The following NUP50 variants were observed in gnomAD, a reference collection of about 807,000 sequenced individuals.
NUP50 encodes nucleoporin 50.
NUP50 carries 14 observed loss-of-function variants against 36.8 expected under a neutral mutation model. That is an observed-to-expected ratio of 0.38 (90% CI 0.25 to 0.59). NUP50 has a LOEUF of 0.59. Ranked by LOEUF, NUP50 falls within the 20% of genes least tolerant of loss-of-function variation. The pLI is 0.63. For missense variants in NUP50, 455 were observed against 564.6 expected (o/e 0.81, Z 1.97); for synonymous variants, 195 against 210.8 (o/e 0.93, Z 0.65).
intron 2 of NUP50, among the ~76,000 whole-genome samples, chr22:45,169,834 T>A (rs1250102897): frequency 2.0e-5 from 3 of 152,300 alleles, no homozygotes; most frequent in South Asian, 4.1e-4. Flanking sequence ...CTCCACCACC[T>A]TCTTGTGGGA....
chr22:45,179,237 G>T (rs1212905339), intron 5 of NUP50: 1 of 222,542 alleles, frequency 4.5e-6, no homozygotes, highest in African/African-American at 2.3e-5. Flanking sequence ...AGTTCATCAA[G>T]TTCATCATGA....
chr22:45,175,856 T>C (rs1180913592), intron 3 of NUP50, 38 bp from the exon 4 acceptor site: 3 of 1,603,008 alleles, frequency 1.9e-6, no homozygotes, highest in African/African-American at 2.7e-5. Context: ...TAATAGAAAG[T>C]ACACTTACCT....
intron 6 of NUP50, 26 bp downstream of exon 6, chr22:45,181,393 G>A (rs552863673): frequency 1.6e-4 from 232 of 1,490,206 alleles, no homozygotes; most frequent in Admixed American, 5.7e-4. Context: ...ACCTGCTGGC[G>A]CATGTGTTTT....
At chr22:45,165,824 CTTTG>C (rs925164276) in intron 1 of NUP50, 123 of 152,320 alleles carry the variant, frequency 8.1e-4, no homozygotes, top group African/African-American at 2.8e-3. Flanking sequence ...CTAAGCCAGT[CTTTG>C]TTTATCTTAA....
intron 3 of NUP50, among the ~76,000 whole-genome samples, chr22:45,175,168 A>T (rs1183787516): frequency 2.0e-5 from 3 of 152,230 alleles, no homozygotes; most frequent in Non-Finnish European, 4.4e-5. Flanking sequence ...ACCTTTCTCC[A>T]AAAGTTCCAG....
intron 5 of NUP50, 161 bp downstream of exon 5, chr22:45,179,061 G>C (rs1569053933): frequency 1.6e-6 from 1 of 621,532 alleles, no homozygotes; most frequent in South Asian, 2.8e-5. Flanking sequence ...CTGAGTTTCA[G>C]ATTCCTGCTT....
intron 6 of NUP50, among the ~76,000 whole-genome samples, chr22:45,182,619 G>GTTTTTTT (rs1460533814): frequency 1.3e-5 from 1 of 78,064 alleles, no homozygotes; most frequent in African/African-American, 5.3e-5. Flanking sequence ...GAGCCTTGAG[G>GTTTTTTT]TTTGTTTTTT....
chr22:45,164,982 C>G (rs1359716892), intron 1 of NUP50: 1 of 152,196 alleles, frequency 6.6e-6, no homozygotes, highest in Non-Finnish European at 1.5e-5. Flanking sequence ...ACTTGGCCCC[C>G]TTGTTGTTTT....
rs1058040 is a variant in NUP50 at position 45,187,859 on chromosome 22, G to T, written c.*3204G>T. The T allele has an allele frequency of 6.6e-6, 1 of 152,462 alleles. No individual in the cohort carries two copies. The highest frequency in any genetic ancestry group is 6.5e-5 in the Admixed American group (1 of 15,280). The allele number at this position is 152,462 out of a possible 1,614,324, so 9.4% of individuals were successfully genotyped here. On this transcript the variant is annotated 3_prime_UTR_variant, in exon 8 of 8. Transcript: ENST00000347635. ...TTCTTAGCAATCAGATGGATAAATT[G>T]TTTGCTTTTTACTTTAAATAGGAAA... is the stretch of plus-strand genomic sequence containing the variant.
At chr22:45,171,773 C>G in intron 3 of NUP50, 90 bp downstream of exon 3, 3 of 989,892 alleles carry the variant, frequency 3.0e-6, no homozygotes, top group Non-Finnish European at 4.8e-6. Context: ...ATGATATCAA[C>G]AAATGCTTTC....
At chr22:45,173,964 C>T (rs2138156) in intron 3 of NUP50, among the ~76,000 whole-genome samples, 50,106 of 152,030 alleles carry the variant, frequency 0.33, 8,477 homozygotes, top group Middle Eastern at 0.4. Context: ...TGCTGAAATG[C>T]GGCTTTTCCT....
chr22:45,186,381 C>T lies in NUP50; in HGVS notation c.*1726C>T, dbSNP rs181517487. 7 of 152,262 alleles carry T rather than the reference C, an allele frequency of 4.6e-5. No individual in the cohort carries two copies. The East Asian group carries it at 1.4e-3, about 29-fold the overall frequency. 9.4% of individuals were successfully genotyped at this position (152,262 alleles called of 1,614,324 possible). A position where few individuals can be genotyped will look rare whatever the true frequency, so the allele number is the denominator to read the frequency against. On this transcript the variant is annotated 3_prime_UTR_variant, in exon 8 of 8. Coordinates refer to ENST00000347635, the MANE Select transcript of NUP50 (RefSeq NM_007172.4). ...AGCAAGCGGTTGATGCTGTTAATAC[C>T]GGCCCCACCCGATTGACATTAAGTT... is the stretch of plus-strand genomic sequence containing the variant.
At chr22:45,170,583 CAT>C (rs1252744769) in intron 2 of NUP50, among the ~76,000 whole-genome samples, 3 of 152,162 alleles carry the variant, frequency 2.0e-5, no homozygotes, top group African/African-American at 7.2e-5. Context: ...TATCTCCTCA[CAT>C]ATGTTTAGGG....
intron 2 of NUP50, chr22:45,171,147 A>G: frequency 8.2e-7 from 1 of 1,220,366 alleles, no homozygotes; most frequent in South Asian, 1.5e-5. Context: ...ACAGTGGGCA[A>G]GTTGGGCAGG....
chr22:45,181,377 C>T lies in NUP50; in HGVS notation c.1085+10C>T. The T allele has an allele frequency of 6.4e-7, 1 of 1,558,850 alleles. No homozygotes were observed. The highest frequency in any genetic ancestry group is 8.7e-7 in the Non-Finnish European group (1 of 1,152,214). On this transcript the variant is annotated intron_variant, in intron 6 of 7. Coordinates refer to ENST00000347635, the MANE Select transcript of NUP50 (RefSeq NM_007172.4). ...CTTTTTACTCCAAAAAGTAAGAATC[C>T]CCACAACCTGCTGGCGCATGTGTTT...
At chr22:45,169,218 T>G (rs536084090) in intron 2 of NUP50, among the ~76,000 whole-genome samples, 2 of 152,180 alleles carry the variant, frequency 1.3e-5, no homozygotes, top group African/African-American at 4.8e-5. Context: ...AAAATTGTTT[T>G]AATTAGCTGA....
intron 1 of NUP50, chr22:45,165,072 C>T (rs2074074011): frequency 6.6e-6 from 1 of 152,154 alleles, no homozygotes; most frequent in South Asian, 2.1e-4. Context: ...GTTGAGCTTT[C>T]CAAGGGCAGA....
chr22:45,165,396 C>T (rs1320634048), intron 1 of NUP50, among the ~76,000 whole-genome samples: 1 of 152,144 alleles, frequency 6.6e-6, no homozygotes, highest in Non-Finnish European at 1.5e-5. Flanking sequence ...CCACTACGCT[C>T]GGCTAATTTT....
intron 1 of NUP50, among the ~76,000 whole-genome samples, chr22:45,165,436 C>G (rs550273035): frequency 1.1e-3 from 169 of 152,298 alleles, no homozygotes; most frequent in African/African-American, 3.8e-3. Context: ...CTATGTCCAT[C>G]TTTATTTTCG....
Sources: allele counts gnomAD v4.1 joint callset (sites outside exome capture counted in the v4.1 genomes callset), GRCh38; gene constraint gnomAD v4.1.1; transcripts MANE v1.5; gene names NCBI Gene and HGNC (gene_info 2026-07-23, HGNC 2026-07-21).